Variants in OPRM1 observed in about 807,000 individuals in gnomAD.
OPRM1 encodes mu-type opioid receptor.
OPRM1 carries 27 observed loss-of-function variants against 31.8 expected under a neutral mutation model. That is an observed-to-expected ratio of 0.85 (90% CI 0.63 to 1.17). The LOEUF (loss-of-function observed/expected upper bound fraction) is 1.17, where lower values mean the gene tolerates loss of function less well. Among genes scored for constraint, OPRM1 ranks in the 50% most tolerant of loss-of-function variants. The pLI, the probability that OPRM1 is intolerant of heterozygous loss-of-function variation, is 0.00. For synonymous variants in OPRM1, 196 were observed against 189.9 expected (o/e 1.03, Z -0.26); for missense variants, 536 against 511.1 (o/e 1.05, Z -0.47).
intron 3 of OPRM1, among the ~76,000 whole-genome samples, chr6:154,102,819 G>C (rs752054549): frequency 1.7e-4 from 26 of 150,426 alleles, no homozygotes; most frequent in Non-Finnish European, 3.2e-4. Context: ...AGCAATGCTT[G>C]AGAAAATTGG....
At chr6:154,083,794 A>G (rs1290722674) in intron 1 of OPRM1, 1 of 152,278 alleles carries the variant, frequency 6.6e-6, no homozygotes, top group Admixed American at 6.5e-5. Flanking sequence ...AATACAAAAA[A>G]TTAGCCGGGC....
intron 3 of OPRM1, among the ~76,000 whole-genome samples, chr6:154,099,282 C>T (rs1331640790): frequency 1.3e-4 from 13 of 101,482 alleles, no homozygotes; most frequent in African/African-American, 3.0e-4. Context: ...GAGAGTCTGT[C>T]GAAAGGAAGG....
chr6:154,090,764 AC>A (rs1321781735), intron 2 of OPRM1, among the ~76,000 whole-genome samples, 187 bp from the exon 3 acceptor site: 3 of 152,238 alleles, frequency 2.0e-5, no homozygotes, highest in African/African-American at 7.2e-5. Context: ...TTAGAAAAAA[AC>A]AAAAAACATT....
At position 154,121,135 on chromosome 6, in the gene OPRM1, T is replaced by C. The variant is rs1797275568; in HGVS notation, c.*2414T>C. On this transcript the variant is annotated 3_prime_UTR_variant, in exon 4 of 4. Coordinates refer to ENST00000330432, the MANE Select transcript of OPRM1 (RefSeq NM_000914.5). ...GAAAATGGAATATTCTGCTTTTTTC[T>C]TCCTTCTAATTTCACCCTTGCCTAA... 6.6e-6 allele frequency among the ~76,000 whole-genome samples: 1 copy of C among 152,222 alleles called. No homozygotes were observed.
chr6:154,210,941 T>C (rs1777908324), intron 3 of OPRM1, among the ~76,000 whole-genome samples: 1 of 152,214 alleles, frequency 6.6e-6, no homozygotes, highest in African/African-American at 2.4e-5. Context: ...TAGAGGTCAT[T>C]ATTTAAATAA....
At chr6:154,081,186 G>C (rs1789028725) in intron 1 of OPRM1, among the ~76,000 whole-genome samples, 1 of 152,216 alleles carries the variant, frequency 6.6e-6, no homozygotes, top group Non-Finnish European at 1.5e-5. Context: ...AGAACTGATA[G>C]GTTCAAACCA....
chr6:154,215,295 A>T (rs5881067), intron 3 of OPRM1, among the ~76,000 whole-genome samples: 715 of 33,420 alleles, frequency 0.021, 8 homozygotes, highest in African/African-American at 0.058. Context: ...TGTACCTGTT[A>T]TTTTTGAATA....
intron 1 of OPRM1, among the ~76,000 whole-genome samples, chr6:154,054,032 G>A (rs906161045): frequency 1.9e-4 from 29 of 152,008 alleles, no homozygotes; most frequent in South Asian, 4.2e-4. Flanking sequence ...CTTTCAGATC[G>A]TCTAGTCCAG....
chr6:154,226,657 T>C (rs930212038), intron 3 of OPRM1, among the ~76,000 whole-genome samples: 1 of 152,182 alleles, frequency 6.6e-6, no homozygotes, highest in African/African-American at 2.4e-5. Flanking sequence ...AATTCTGCTG[T>C]TTCATCAAAT....
intron 1 of OPRM1, among the ~76,000 whole-genome samples, chr6:154,059,761 T>C (rs1428727259): frequency 6.6e-6 from 1 of 152,242 alleles, no homozygotes; most frequent in Non-Finnish European, 1.5e-5. Flanking sequence ...TTTATTACAA[T>C]GTTATGTTAA....
chr6:154,029,818 GT>G (rs934487763), intron 1 of OPRM1, among the ~76,000 whole-genome samples: 5 of 152,068 alleles, frequency 3.3e-5, no homozygotes, highest in African/African-American at 1.2e-4. Context: ...TTATAGGAGG[GT>G]TTTTCCCCCT....
At chr6:154,096,490 CG>C (rs1793409051) in intron 3 of OPRM1, among the ~76,000 whole-genome samples, 1 of 151,958 alleles carries the variant, frequency 6.6e-6, no homozygotes, top group Admixed American at 6.6e-5. Context: ...AAAGTAATTG[CG>C]GGTTTTGCCA....
chr6:154,141,661 G>C (rs1798215518), intron 3 of OPRM1, among the ~76,000 whole-genome samples: 1 of 152,206 alleles, frequency 6.6e-6, no homozygotes. Context: ...GATGAACATT[G>C]GTTCAGTCCA....
chr6:154,107,915 C>T (rs1236096230), intron 3 of OPRM1: 3 of 659,482 alleles, frequency 4.5e-6, no homozygotes, highest in Non-Finnish European at 8.2e-6. Context: ...TTATTTTTCA[C>T]ATTAATCAAA....
chr6:154,033,351 G>A (rs1166862741), intron 1 of OPRM1, among the ~76,000 whole-genome samples: 1 of 152,120 alleles, frequency 6.6e-6, no homozygotes, highest in East Asian at 1.9e-4. Context: ...GGTTAGAGAT[G>A]AAAACATGAA....
rs9478497 is a variant in OPRM1, at chr6:154,012,443, T to C, written c.-1+1425T>C. On this transcript the variant is annotated intron_variant, in intron 1 of 5. Transcript: ENST00000434900. ...ATACAAATTTTTGTAGTTCCCACTT[T>C]TGGCAAAACAGTGGCCTTTATGGTG... 2.7e-3 allele frequency among the ~76,000 whole-genome samples: 404 copies of C among 152,238 alleles called. 4 individuals carry two copies. The highest frequency in any genetic ancestry group is 9.2e-3 in the African/African-American group (382 of 41,566).
intron 1 of OPRM1, among the ~76,000 whole-genome samples, chr6:154,023,159 A>G (rs1778485711): frequency 6.6e-6 from 1 of 152,190 alleles, no homozygotes; most frequent in African/African-American, 2.4e-5. Flanking sequence ...CATTTTAACA[A>G]TATTGATTCT....
chr6:154,223,162 C>G, intron 3 of OPRM1: 1 of 1,609,838 alleles, frequency 6.2e-7, no homozygotes, highest in Non-Finnish European at 8.5e-7. Flanking sequence ...AGATGAGAGA[C>G]AACTTACTGC....
chr6:154,174,299 C>T (rs1385886764), intron 3 of OPRM1, among the ~76,000 whole-genome samples: 2 of 152,130 alleles, frequency 1.3e-5, no homozygotes, highest in East Asian at 1.9e-4. Context: ...ATCATAATGA[C>T]AGGATCAAAT....
Sources: gnomAD v4.1 joint callset for allele counts (sites outside exome capture counted in the v4.1 genomes callset) on GRCh38, gnomAD v4.1.1 for gene constraint, MANE v1.5 for transcripts, NCBI Gene and HGNC (gene_info 2026-07-23, HGNC 2026-07-21) for gene names.